The following SLC26A7 variants were observed in gnomAD, a reference collection of about 807,000 sequenced individuals.
The protein encoded by SLC26A7 is solute carrier family 26 member 7, also known as anion exchange transporter.
A neutral mutation model predicts 82.5 loss-of-function variants in SLC26A7; 59 were observed. That is an observed-to-expected ratio of 0.72 (90% CI 0.58 to 0.89). The LOEUF (loss-of-function observed/expected upper bound fraction) is 0.89. Ranked by LOEUF, SLC26A7 falls within the 40% of genes least tolerant of loss-of-function variation. The probability of loss-of-function intolerance (pLI) is 0.00; values close to 1 mark genes in which losing one functional copy is unlikely to be tolerated. For missense variants in SLC26A7, 820 were observed against 793.0 expected (o/e 1.03, Z -0.41); for synonymous variants, 271 against 274.3 (o/e 0.99, Z 0.12).
chr8:91,348,614 A>T (rs375547637), intron 9 of SLC26A7, among the ~76,000 whole-genome samples: 11 of 152,198 alleles, frequency 7.2e-5, no homozygotes, highest in African/African-American at 1.9e-4. Context: ...AAAGAGTAAA[A>T]TCCTAGCCAG....
At chr8:91,369,974 C>T (rs1814308373) in intron 15 of SLC26A7, 141 bp downstream of exon 15, 4 of 677,814 alleles carry the variant, frequency 5.9e-6, no homozygotes. Flanking sequence ...GTCCTCTTCC[C>T]TCTACTCTCC....
At chr8:91,267,106 G>A (rs1164717273) in intron 2 of SLC26A7, among the ~76,000 whole-genome samples, 1 of 151,804 alleles carries the variant, frequency 6.6e-6, no homozygotes, top group African/African-American at 2.4e-5. Flanking sequence ...CATCGTGAAT[G>A]ATTTTTCTTT....
chr8:91,259,116 C>T (rs1179317165), intron 2 of SLC26A7, among the ~76,000 whole-genome samples: 1 of 152,036 alleles, frequency 6.6e-6, no homozygotes, highest in African/African-American at 2.4e-5. Context: ...ATTGATTGGC[C>T]TCTACAGCAT....
At position 91,322,139 on chromosome 8, in the gene SLC26A7, CTT is replaced by C. The variant is rs1015448932; in HGVS notation, c.642+3760_642+3761del. On this transcript the variant is annotated intron_variant, in intron 5 of 18. Transcript: ENST00000276609. ...AAAAAAGACTAAATAACAAAACAAA[CTT>C]ATGTGTATTTTAATGACTTTAGAAT... is the stretch of plus-strand genomic sequence containing the variant. Among the ~76,000 whole-genome samples, 19 of 152,130 alleles carry C rather than the reference CTT, an allele frequency of 1.2e-4. No individual in the cohort carries two copies. The Middle Eastern group carries it at 0.01, about 82-fold the overall frequency.
chr8:91,338,435 C>T (rs1054868790), intron 7 of SLC26A7, among the ~76,000 whole-genome samples: 10 of 152,052 alleles, frequency 6.6e-5, no homozygotes, highest in African/African-American at 2.4e-4. Flanking sequence ...TTGATAATTG[C>T]TTTATGCAGC....
chr8:91,378,807 G>A (rs987624394), intron 15 of SLC26A7, among the ~76,000 whole-genome samples: 1 of 151,892 alleles, frequency 6.6e-6, no homozygotes, highest in Non-Finnish European at 1.5e-5. Context: ...TTAACAGAAG[G>A]AAATTTACAA....
intron 5 of SLC26A7, among the ~76,000 whole-genome samples, chr8:91,324,217 G>A (rs1253331861): frequency 1.3e-5 from 2 of 152,198 alleles, no homozygotes; most frequent in Non-Finnish European, 2.9e-5. Flanking sequence ...ATTCTAAAAT[G>A]TTTAATGATG....
chr8:91,288,970 G>T (rs922250251), intron 2 of SLC26A7, among the ~76,000 whole-genome samples, 166 bp from the exon 3 acceptor site: 15 of 152,270 alleles, frequency 9.9e-5, no homozygotes, highest in Non-Finnish European at 1.6e-4. Flanking sequence ...ATGAACTAAA[G>T]CGTGAATTTT....
intron 1 of SLC26A7, among the ~76,000 whole-genome samples, chr8:91,217,673 G>C (rs1810078467): frequency 1.3e-5 from 2 of 152,170 alleles, no homozygotes; most frequent in African/African-American, 4.8e-5. Flanking sequence ...CACTGAGATT[G>C]GAGGAGTGGT....
At chr8:91,281,371 G>A (rs1234857658) in intron 2 of SLC26A7, among the ~76,000 whole-genome samples, 1 of 152,154 alleles carries the variant, frequency 6.6e-6, no homozygotes, top group Non-Finnish European at 1.5e-5. Flanking sequence ...GTGCAGAAGT[G>A]TGTCTAACGA....
chr8:91,225,859 A>AT (rs1810231719), intron 2 of SLC26A7, among the ~76,000 whole-genome samples: 1 of 151,608 alleles, frequency 6.6e-6, no homozygotes. Context: ...CCTCCATGTC[A>AT]TGGCAACTGG....
At chr8:91,389,245 A>G (rs1299239440) in intron 15 of SLC26A7, 93 bp from the exon 16 acceptor site, 3 of 779,272 alleles carry the variant, frequency 3.8e-6, no homozygotes, top group Non-Finnish European at 6.7e-6. Flanking sequence ...GTTGTTAAAC[A>G]TGAGGCCACT....
chr8:91,301,696 C>T (rs1812170392), intron 4 of SLC26A7, among the ~76,000 whole-genome samples: 3 of 151,706 alleles, frequency 2.0e-5, no homozygotes, highest in African/African-American at 4.8e-5. Flanking sequence ...TTTCCTATTT[C>T]TATCTCTGCT....
intron 7 of SLC26A7, 26 bp downstream of exon 7, chr8:91,338,258 ATTAT>A (rs1284697881): frequency 6.5e-7 from 1 of 1,534,454 alleles, no homozygotes; most frequent in Admixed American, 1.9e-5. Flanking sequence ...TTAAAAACAT[ATTAT>A]TTGTTTGTTT....
chr8:91,230,007 C>T (rs1346292381), intron 2 of SLC26A7, among the ~76,000 whole-genome samples: 2 of 152,126 alleles, frequency 1.3e-5, no homozygotes, highest in Admixed American at 6.6e-5. Context: ...TTTTTTTCCA[C>T]CATAGATTTT....
intron 2 of SLC26A7, among the ~76,000 whole-genome samples, 164 bp from the exon 3 acceptor site, chr8:91,288,972 G>T (rs113695371): frequency 6.6e-6 from 1 of 152,160 alleles, no homozygotes; most frequent in African/African-American, 2.4e-5. Flanking sequence ...GAACTAAAGC[G>T]TGAATTTTCT....
At chr8:91,338,104 G>A in intron 6 of SLC26A7, 46 bp from the exon 7 acceptor site, 2 of 1,410,334 alleles carry the variant, frequency 1.4e-6, no homozygotes, top group Non-Finnish European at 1.9e-6. Context: ...TGTTTGAGAG[G>A]TCAGTAATGT....
chr8:91,377,458 G>A (rs182746861), intron 15 of SLC26A7, among the ~76,000 whole-genome samples: 10 of 152,304 alleles, frequency 6.6e-5, no homozygotes, highest in Non-Finnish European at 1.3e-4. Flanking sequence ...CAAAGTCAGA[G>A]CGGGTTGTAG....
In SLC26A7 at chr8:91,393,781, A is replaced by G; in HGVS notation, c.1777-16A>G. 4 of 1,612,370 alleles carry G rather than the reference A, an allele frequency of 2.5e-6. No individual in the cohort carries two copies. Among genetic ancestry groups the G allele is most frequent in the Non-Finnish European group, 3.4e-6 (4 of 1,178,698 alleles). On this transcript the variant is annotated splice_polypyrimidine_tract_variant and intron_variant, in intron 16 of 18. Coordinates refer to ENST00000276609, the MANE Select transcript of SLC26A7 (RefSeq NM_052832.4). Reference sequence around the variant, plus strand: ...ATTCTGAATTAATTGTGGGTATCCTATTTTAATTCTTCCAGGTTTACATGG... The same window carrying G: ...ATTCTGAATTAATTGTGGGTATCCTGTTTTAATTCTTCCAGGTTTACATGG...
Sources: gnomAD v4.1 joint callset for allele counts (sites outside exome capture counted in the v4.1 genomes callset) on GRCh38, gnomAD v4.1.1 for gene constraint, MANE v1.5 for transcripts, NCBI Gene and HGNC (gene_info 2026-07-23, HGNC 2026-07-21) for gene names.